The following C12orf42 variants were observed in gnomAD, a reference collection of about 807,000 sequenced individuals.
The protein encoded by C12orf42 is uncharacterized protein C12orf42.
Under a neutral mutation model 21.6 loss-of-function variants are expected in C12orf42, and 25 were observed. The ratio of observed to expected loss-of-function variants is 1.16; its 90% CI spans 0.84 to 1.62. C12orf42 has a LOEUF of 1.62. Among genes scored for constraint, C12orf42 ranks in the 40% most tolerant of loss-of-function variants. The probability of loss-of-function intolerance (pLI) is 0.00; values close to 1 mark genes in which losing one functional copy is unlikely to be tolerated. For synonymous variants in C12orf42, 174 were observed against 175.0 expected (o/e 0.99, Z 0.05); for missense variants, 483 against 459.3 (o/e 1.05, Z -0.47).
chr12:103,456,320 A>T (rs1017501703), intron 2 of C12orf42: 2 of 152,108 alleles, frequency 1.3e-5, no homozygotes, highest in Non-Finnish European at 1.5e-5. Flanking sequence ...AGGGGGAAAA[A>T]GCTGGGTCAC....
chr12:103,102,308 C>T, the C12orf42 span, among the ~76,000 whole-genome samples: 3 of 152,212 alleles, frequency 2.0e-5, no homozygotes, highest in Non-Finnish European at 4.4e-5. Context: ...CATTCTGGGA[C>T]ATTCCATGTT....
At chr12:103,082,137 T>C in the C12orf42 span, among the ~76,000 whole-genome samples, 1 of 152,290 alleles carries the variant, frequency 6.6e-6, no homozygotes, top group East Asian at 1.9e-4. Context: ...ATAGAGTCCA[T>C]TTGGGTTAAT....
chr12:103,217,477 C>T, the C12orf42 span, among the ~76,000 whole-genome samples: 1 of 149,252 alleles, frequency 6.7e-6, no homozygotes, highest in African/African-American at 2.5e-5. Flanking sequence ...TGCAGTGGGC[C>T]ATGATCATAC....
rs1452815464 is a variant in C12orf42 at position 103,495,581 on chromosome 12, T to C, written c.-22+321A>G. 2.6e-5 allele frequency among the ~76,000 whole-genome samples: 4 copies of C among 151,464 alleles called. 1 individual carries two copies. Among genetic ancestry groups the C allele is most frequent in the Admixed American group, 6.6e-5 (1 of 15,256 alleles). ...TCGCTGTCAATGCATCACCTGCTCG[T>C]CTGGGCCGTCGCCGGGGCAACGGGG... On this transcript the variant is annotated intron_variant, in intron 1 of 5. Coordinates refer to ENST00000548883, the MANE Select transcript of C12orf42 (RefSeq NM_198521.5).
chr12:103,070,659 G>C, the C12orf42 span, among the ~76,000 whole-genome samples: 1 of 152,046 alleles, frequency 6.6e-6, no homozygotes, highest in South Asian at 2.1e-4. Flanking sequence ...TATGTGCCAA[G>C]AGGATAAAGA....
At chr12:103,423,387 G>T (rs753448830) in intron 2 of C12orf42, among the ~76,000 whole-genome samples, 6 of 152,182 alleles carry the variant, frequency 3.9e-5, no homozygotes, top group Non-Finnish European at 5.9e-5. Context: ...TAAATCTTGA[G>T]GCTTAATTAC....
chr12:103,065,166 A>G, the C12orf42 span, among the ~76,000 whole-genome samples: 1 of 152,234 alleles, frequency 6.6e-6, no homozygotes, highest in African/African-American at 2.4e-5. Context: ...AAAGACACAG[A>G]GGTGGCGATT....
At chr12:103,135,703 T>C in the C12orf42 span, among the ~76,000 whole-genome samples, 128 of 152,246 alleles carry the variant, frequency 8.4e-4, no homozygotes, top group Non-Finnish European at 1.5e-3. Flanking sequence ...AAACAAATAA[T>C]AGACCATGAC....
chr12:103,301,103 A>G (rs1171715285), downstream of C12orf42, among the ~76,000 whole-genome samples: 1 of 152,106 alleles, frequency 6.6e-6, no homozygotes, highest in Non-Finnish European at 1.5e-5. Context: ...TCCTCTCAAA[A>G]CCTTGAGACT....
chr12:103,276,655 A>C (rs766183332), intron 5 of C12orf42, among the ~76,000 whole-genome samples: 5 of 152,218 alleles, frequency 3.3e-5, no homozygotes, highest in African/African-American at 7.2e-5. Context: ...GGGGTAAGTA[A>C]AGGTGACCAA....
upstream of C12orf42, among the ~76,000 whole-genome samples, chr12:103,500,041 G>T (rs1955680727): frequency 6.6e-6 from 1 of 152,188 alleles, no homozygotes; most frequent in Admixed American, 6.5e-5. Flanking sequence ...GCACGTCTAA[G>T]TTTGGATATC....
chr12:103,486,350 C>T (rs929220189), intron 1 of C12orf42, among the ~76,000 whole-genome samples: 25 of 152,182 alleles, frequency 1.6e-4, no homozygotes, highest in Non-Finnish European at 3.2e-4. Flanking sequence ...ATAAGCTTTT[C>T]GGTGTGCTGC....
the C12orf42 span, among the ~76,000 whole-genome samples, chr12:103,201,434 C>G: frequency 6.6e-6 from 1 of 152,042 alleles, no homozygotes; most frequent in Non-Finnish European, 1.5e-5. Context: ...CATCTCAAAT[C>G]ACAATGCGAT....
At chr12:103,311,837 T>C (rs2038998408) in intron 4 of C12orf42, among the ~76,000 whole-genome samples, 1 of 152,198 alleles carries the variant, frequency 6.6e-6, no homozygotes, top group Admixed American at 6.5e-5. Context: ...GACCCTAGTA[T>C]CTGTTCACGG....
the C12orf42 span, among the ~76,000 whole-genome samples, chr12:103,170,227 A>T: frequency 2.0e-5 from 3 of 152,126 alleles, no homozygotes; most frequent in African/African-American, 7.2e-5. Context: ...ATGTACAATT[A>T]TACCCTTATG....
At chr12:103,411,422 GAAGT>G (rs2048836554) in intron 2 of C12orf42, among the ~76,000 whole-genome samples, 1 of 152,116 alleles carries the variant, frequency 6.6e-6, no homozygotes, top group South Asian at 2.1e-4. Context: ...TTACTATGCA[GAAGT>G]AAAAGCACAG....
chr12:103,166,039 C>CA, the C12orf42 span, among the ~76,000 whole-genome samples: 43,969 of 136,168 alleles, frequency 0.32, 7,548 homozygotes, highest in Non-Finnish European at 0.41. Flanking sequence ...GACTCCGTCT[C>CA]AAAAAAAAAA....
chr12:103,171,967 T>C, the C12orf42 span, among the ~76,000 whole-genome samples: 7 of 152,112 alleles, frequency 4.6e-5, no homozygotes, highest in Non-Finnish European at 1.0e-4. Flanking sequence ...TGTTGAGCAC[T>C]GTAGGAACTT....
At chr12:103,146,507 AAAG>A in the C12orf42 span, among the ~76,000 whole-genome samples, 1 of 148,078 alleles carries the variant, frequency 6.8e-6, no homozygotes, top group Admixed American at 6.8e-5. Flanking sequence ...AAGAAAGAGA[AAAG>A]AAAGAGAAAG....
Sources: allele counts gnomAD v4.1 joint callset (sites outside exome capture counted in the v4.1 genomes callset), GRCh38; gene constraint gnomAD v4.1.1; transcripts MANE v1.5; gene names NCBI Gene and HGNC (gene_info 2026-07-23, HGNC 2026-07-21).